ERCC8: variants seen among roughly 807,000 people sequenced by gnomAD.
ERCC8 encodes the protein DNA excision repair protein ERCC-8.
ERCC8 carries 52 observed loss-of-function variants against 54.9 expected under a neutral mutation model. The ratio of observed to expected loss-of-function variants is 0.95; its 90% CI spans 0.76 to 1.19. The LOEUF (loss-of-function observed/expected upper bound fraction) is 1.19. Ranked by LOEUF, ERCC8 falls within the 50% of genes most tolerant of loss-of-function variation. The pLI is 0.00. For missense variants in ERCC8, 514 were observed against 466.1 expected, an observed-to-expected ratio of 1.10 and a Z score of -0.95; for synonymous variants, 146 against 157.2, an observed-to-expected ratio of 0.93 and a Z score of 0.53.
intron 2 of ERCC8, among the ~76,000 whole-genome samples, chr5:60,923,306 T>C (rs1156899786): frequency 4.6e-5 from 7 of 152,190 alleles, no homozygotes; most frequent in Non-Finnish European, 4.4e-5. Flanking sequence ...CTTAATAATT[T>C]GTAAAATCAT....
intron 11 of ERCC8, among the ~76,000 whole-genome samples, chr5:60,881,138 G>A (rs79306787): frequency 1.4e-5 from 2 of 148,138 alleles, no homozygotes; most frequent in African/African-American, 2.6e-5. Flanking sequence ...CCTCCAGACC[G>A]TTTGCCTGGC....
chr5:60,922,276 T>C, intron 2 of ERCC8, 121 bp from the exon 3 acceptor site: 1 of 622,358 alleles, frequency 1.6e-6, no homozygotes, highest in Non-Finnish European at 2.8e-6. Flanking sequence ...GATACATTAA[T>C]TTATAATAAG....
intron 1 of ERCC8, among the ~76,000 whole-genome samples, chr5:60,934,048 A>T (rs978423647): frequency 5.9e-5 from 9 of 152,164 alleles, no homozygotes; most frequent in Non-Finnish European, 1.3e-4. Flanking sequence ...ATAAACATGC[A>T]TGTGTGAGTA....
intron 10 of ERCC8, 35 bp from the exon 11 acceptor site, chr5:60,887,555 C>A: frequency 6.9e-7 from 1 of 1,439,756 alleles, no homozygotes; most frequent in Non-Finnish European, 9.8e-7. Flanking sequence ...TACTGTGGAT[C>A]AAGAGCTGAT....
At position 60,872,061 on chromosome 5, in the gene ERCC8, A is replaced by C. The variant is rs4699965; in HGVS notation, c.*2554T>G. Among the ~76,000 whole-genome samples, 42,683 of 152,114 alleles carry C rather than the reference A, an allele frequency of 0.28. 7,398 individuals are homozygous for C. Among genetic ancestry groups the C allele is most frequent in the East Asian group, 0.43 (2,208 of 5,168 alleles). On this transcript the variant is annotated 3_prime_UTR_variant, in exon 12 of 12. Coordinates refer to ENST00000676185, the MANE Select transcript of ERCC8 (RefSeq NM_000082.4). ...AAGTGATCTGCCTGTCTCAGCTCAC[A>C]AAGTGTTAGGATTACAACCACCGTG... is the stretch of plus-strand genomic sequence containing the variant.
intron 4 of ERCC8, among the ~76,000 whole-genome samples, chr5:60,908,579 A>T (rs1173684903): frequency 9.2e-4 from 84 of 91,756 alleles, no homozygotes; most frequent in East Asian, 5.4e-3. Context: ...ATATATATAT[A>T]TATATTTTTT....
intron 11 of ERCC8, among the ~76,000 whole-genome samples, chr5:60,881,881 C>T (rs552801896): frequency 2.6e-5 from 4 of 152,096 alleles, no homozygotes; most frequent in Non-Finnish European, 2.9e-5. Flanking sequence ...ACCCACTGTC[C>T]GACACTCCCC....
intron 11 of ERCC8, among the ~76,000 whole-genome samples, chr5:60,880,570 A>G (rs1198763970): frequency 1.3e-5 from 2 of 152,018 alleles, no homozygotes; most frequent in Non-Finnish European, 2.9e-5. Flanking sequence ...ATTTCTTTTT[A>G]TTCTTTTTTC....
intron 11 of ERCC8, among the ~76,000 whole-genome samples, chr5:60,886,054 GTA>G (rs972549637): frequency 6.7e-6 from 1 of 148,668 alleles, no homozygotes; most frequent in Admixed American, 6.7e-5. Context: ...AGAACTATAT[GTA>G]TATATATATG....
chr5:60,940,591 G>C (rs1053459945), intron 1 of ERCC8, among the ~76,000 whole-genome samples: 1 of 152,174 alleles, frequency 6.6e-6, no homozygotes, highest in African/African-American at 2.4e-5. Context: ...ATAAACTCCA[G>C]AACTCATCCC....
chr5:60,931,727 T>C (rs1226409265), intron 1 of ERCC8, among the ~76,000 whole-genome samples: 1 of 152,156 alleles, frequency 6.6e-6, no homozygotes, highest in African/African-American at 2.4e-5. Context: ...TTTCTGAAAA[T>C]ATTTTTCCAT....
chr5:60,880,009 G>T lies in ERCC8; in HGVS notation c.1123-5326C>A, dbSNP rs567117293. Among the ~76,000 whole-genome samples the T allele has an allele frequency of 1.6e-3, 239 of 152,314 alleles. 1 individual carries two copies. Among genetic ancestry groups the T allele is most frequent in the African/African-American group, 5.6e-3 (232 of 41,568 alleles). ...GTTTTTGCAGTGGCTGGTACCGGTT[G>T]TTCCTTTCCATGTTTAGTGCTTCCT... On this transcript the variant is annotated intron_variant, in intron 11 of 11. Transcript: ENST00000676185.
At chr5:60,906,513 G>C (rs1749076165) in intron 4 of ERCC8, among the ~76,000 whole-genome samples, 1 of 151,916 alleles carries the variant, frequency 6.6e-6, no homozygotes, top group Non-Finnish European at 1.5e-5. Flanking sequence ...CGGATCACTT[G>C]AGGTCAGGAG....
In ERCC8 at chr5:60,912,650, G is replaced by C. The variant is rs192121709; in HGVS notation, c.399+5615C>G. The stretch of plus-strand genomic sequence containing the variant: ...TATGTTAAATAGGAGTGGTGAGAGA[G>C]GGCATCCCTGTCTTGTGCCAGTTTT... On this transcript the variant is annotated intron_variant, in intron 4 of 11. Transcript: ENST00000676185. 2.4e-3 allele frequency among the ~76,000 whole-genome samples: 360 copies of C among 152,228 alleles called. 8 individuals are homozygous for C. The highest frequency in any genetic ancestry group is 8.2e-3 in the African/African-American group (340 of 41,496).
At chr5:60,887,100 T>C (rs1748416890) in intron 11 of ERCC8, among the ~76,000 whole-genome samples, 2 of 152,220 alleles carry the variant, frequency 1.3e-5, no homozygotes, top group Non-Finnish European at 2.9e-5. Flanking sequence ...CAAATCAAAA[T>C]GTTAATATTG....
intron 9 of ERCC8, among the ~76,000 whole-genome samples, chr5:60,897,484 A>G (rs973991263): frequency 2.6e-5 from 4 of 152,224 alleles, no homozygotes. Context: ...CTGACATACA[A>G]GCTCTCAATA....
intron 3 of ERCC8, chr5:60,918,614 A>G (rs1749510184): frequency 3.9e-6 from 2 of 518,300 alleles, no homozygotes; most frequent in Non-Finnish European, 7.0e-6. Flanking sequence ...AAGGGTCACA[A>G]TGTGAAAGAT....
intron 5 of ERCC8, among the ~76,000 whole-genome samples, 168 bp downstream of exon 5, chr5:60,904,624 G>A (rs1269078228): frequency 3.6e-5 from 1 of 27,744 alleles, no homozygotes; most frequent in African/African-American, 1.9e-4. Context: ...TATATATAGT[G>A]TGTGTGTGTG....
chr5:60,893,636 G>T, intron 9 of ERCC8: 1 of 572,878 alleles, frequency 1.7e-6, no homozygotes, highest in Non-Finnish European at 3.2e-6. Context: ...TATACTTCCG[G>T]CGGGGATCTG....
Sources: gnomAD v4.1 joint callset for allele counts (sites outside exome capture counted in the v4.1 genomes callset) on GRCh38, gnomAD v4.1.1 for gene constraint, MANE v1.5 for transcripts, NCBI Gene and HGNC (gene_info 2026-07-23, HGNC 2026-07-21) for gene names.